The following SIM1 variants were observed in gnomAD, a reference collection of about 807,000 sequenced individuals.
The protein encoded by SIM1 is SIM bHLH transcription factor 1, also known as single-minded homolog 1.
Under a neutral mutation model 78.2 loss-of-function variants are expected in SIM1, and 18 were observed. That is an observed-to-expected ratio of 0.23 (90% CI 0.16 to 0.34). The LOEUF (loss-of-function observed/expected upper bound fraction) is 0.34. SIM1 is among the 10% of genes least tolerant of loss of function. The pLI is 1.00. For synonymous variants in SIM1, 417 were observed against 385.2 expected (o/e 1.08, Z -0.97); for missense variants, 939 against 975.1 (o/e 0.96, Z 0.49).
intron 6 of SIM1, among the ~76,000 whole-genome samples, chr6:100,448,960 T>C (rs928534681): frequency 1.3e-5 from 2 of 152,310 alleles, no homozygotes; most frequent in Middle Eastern, 3.4e-3. Context: ...AACCTGCTAA[T>C]GACGTTCAAG....
intron 10 of SIM1, among the ~76,000 whole-genome samples, chr6:100,418,400 TA>T (rs1562242478): frequency 7.6e-6 from 1 of 132,180 alleles, no homozygotes; most frequent in Admixed American, 7.5e-5. Flanking sequence ...AATAAAAAAT[TA>T]AAAAAGAAAA....
intron 2 of SIM1, among the ~76,000 whole-genome samples, chr6:100,462,208 C>A (rs1006609756): frequency 6.6e-6 from 1 of 152,178 alleles, no homozygotes; most frequent in African/African-American, 2.4e-5. Flanking sequence ...ACAAAAACCT[C>A]CAGGGGTCAA....
intron 10 of SIM1, among the ~76,000 whole-genome samples, chr6:100,403,218 G>A (rs943961201): frequency 2.0e-5 from 3 of 152,114 alleles, no homozygotes; most frequent in African/African-American, 4.8e-5. Context: ...CATGAAACAC[G>A]CAACCAAATG....
chr6:100,390,768 G>T lies in SIM1; in HGVS notation c.1894C>A (p.His632Asn). 1 of 1,614,142 alleles carries T rather than the reference G, an allele frequency of 6.2e-7. No homozygotes were observed. Residue 632 changes from histidine to asparagine, a missense_variant, in exon 12 of 12, where the codon CAT becomes AAT. His to Asn is a moderately conservative substitution (Grantham distance 68, BLOSUM62 1). Coordinates refer to ENST00000369208, the MANE Select transcript of SIM1 (RefSeq NM_005068.3). The part of the protein sequence containing the change: ...SALANTSPCD[H>N]IQQREGKMLS... ...ATTTTTCCCTCTCTCTGCTGGATAT[G>T]GTCACATGGTGAAGTGTTGGCAAGA...
At chr6:100,403,608 G>T (rs1250158905) in intron 10 of SIM1, among the ~76,000 whole-genome samples, 1 of 152,138 alleles carries the variant, frequency 6.6e-6, no homozygotes, top group East Asian at 1.9e-4. Context: ...GCAAAGACCT[G>T]AATAGAGGGA....
chr6:100,396,178 G>T (rs1487660622), intron 10 of SIM1: 5 of 505,312 alleles, frequency 9.9e-6, no homozygotes, highest in Non-Finnish European at 1.3e-5. Flanking sequence ...ACTGAGTGGG[G>T]ATCCAAGTGC....
chr6:100,455,302 C>T (rs74333448), intron 2 of SIM1, among the ~76,000 whole-genome samples: 3,471 of 152,272 alleles, frequency 0.023, 50 homozygotes, highest in East Asian at 0.043. Flanking sequence ...ACCTCTCTGG[C>T]TCCCGGTCAA....
At chr6:100,448,354 C>T (rs1772416757) in intron 7 of SIM1, 102 bp from the exon 8 acceptor site, 4 of 1,371,150 alleles carry the variant, frequency 2.9e-6, no homozygotes, top group African/African-American at 1.4e-5. Flanking sequence ...TCCGCCCTCA[C>T]TTTCCAGGGC....
At chr6:100,423,287 T>G (rs949220424) in intron 9 of SIM1, among the ~76,000 whole-genome samples, 1 of 152,238 alleles carries the variant, frequency 6.6e-6, no homozygotes, top group Non-Finnish European at 1.5e-5. Flanking sequence ...CTTCTTAACC[T>G]GTAAAACTCT....
At chr6:100,400,795 A>T (rs1291614882) in intron 10 of SIM1, among the ~76,000 whole-genome samples, 1 of 152,146 alleles carries the variant, frequency 6.6e-6, no homozygotes, top group East Asian at 1.9e-4. Flanking sequence ...CTTACAGTAG[A>T]GTGCCAACTG....
chr6:100,454,542 C>A (rs1278603383), intron 2 of SIM1, among the ~76,000 whole-genome samples: 1 of 152,132 alleles, frequency 6.6e-6, no homozygotes, highest in East Asian at 1.9e-4. Context: ...CCCGCATAGG[C>A]TTTTTCTGAA....
intron 9 of SIM1, among the ~76,000 whole-genome samples, chr6:100,426,311 T>A (rs1165314861): frequency 3.3e-5 from 5 of 152,204 alleles, no homozygotes; most frequent in African/African-American, 1.2e-4. Flanking sequence ...ATTTGCAGAA[T>A]TAACCATCTG....
At chr6:100,392,178 A>C (rs763163323) in intron 11 of SIM1, among the ~76,000 whole-genome samples, 3 of 152,216 alleles carry the variant, frequency 2.0e-5, no homozygotes, top group Non-Finnish European at 4.4e-5. Flanking sequence ...CTGTCTCAAA[A>C]AAAATTTTTT....
rs1772423599 is a variant in SIM1 at position 100,448,534 on chromosome 6, T to G, written c.688A>C (p.Asn230His). Reference sequence around the variant, plus strand: ...AGGCTGGCGCGGAACATAAACATATTGCTGTGTAGCTTGATCTCCGTGACG... The same window carrying G: ...AGGCTGGCGCGGAACATAAACATATGGCTGTGTAGCTTGATCTCCGTGACG... Reference protein sequence around the residue: ...SAVTEIKLHSNMFMFRASLDM... With the variant: ...SAVTEIKLHSHMFMFRASLDM... The change falls in exon 7 of 12, where the codon AAT (asparagine) becomes CAT (histidine). Residue 230 changes from asparagine (N) to histidine (H), a missense_variant. Coordinates refer to ENST00000369208, the MANE Select transcript of SIM1 (RefSeq NM_005068.3). 1 of 1,614,076 alleles carries G rather than the reference T, an allele frequency of 6.2e-7. No homozygotes were observed. Among genetic ancestry groups the G allele is most frequent in the South Asian group, 1.1e-5 (1 of 91,076 alleles).
chr6:100,434,116 T>G (rs964759497), intron 9 of SIM1, among the ~76,000 whole-genome samples: 4 of 152,236 alleles, frequency 2.6e-5, no homozygotes, highest in African/African-American at 9.6e-5. Flanking sequence ...AATATTTTCT[T>G]CCTGGTTTTC....
chr6:100,421,037 T>C (rs760428381), intron 9 of SIM1, 79 bp from the exon 10 acceptor site: 15 of 1,433,598 alleles, frequency 1.0e-5, no homozygotes, highest in Non-Finnish European at 1.4e-5. Flanking sequence ...GGAATGATAG[T>C]AATCCGAATT....
At position 100,448,400 on chromosome 6, in the gene SIM1, G is replaced by C. The variant is rs551202042; in HGVS notation, c.743+79C>G. 6.1e-6 allele frequency: 9 copies of C among 1,486,404 alleles called. 1 individual carries two copies. The South Asian group carries it at 9.8e-5, about 16-fold the overall frequency. 92.1% of individuals were successfully genotyped at this position (1,486,404 alleles called of 1,614,324 possible). ...GCCTCATGTGCAAAATGGGCTCATA[G>C]GATAGACGGAAATCTCTCAGTCACT... On this transcript the variant is annotated intron_variant, in intron 7 of 11. Transcript: ENST00000369208.
chr6:100,431,213 A>G (rs192701426), intron 9 of SIM1, among the ~76,000 whole-genome samples: 106 of 152,318 alleles, frequency 7.0e-4, no homozygotes, highest in African/African-American at 2.5e-3. Context: ...ATATTTTAAA[A>G]TATGTCCTAT....
chr6:100,440,377 A>T (rs1562251585), intron 9 of SIM1, among the ~76,000 whole-genome samples: 1 of 152,196 alleles, frequency 6.6e-6, no homozygotes, highest in African/African-American at 2.4e-5. Flanking sequence ...TTGGAAAATG[A>T]TACTGTGGGT....
Sources: allele counts gnomAD v4.1 joint callset (sites outside exome capture counted in the v4.1 genomes callset), GRCh38; gene constraint gnomAD v4.1.1; transcripts MANE v1.5; gene names NCBI Gene and HGNC (gene_info 2026-07-23, HGNC 2026-07-21).